PSD3: variants seen among roughly 807,000 people sequenced by gnomAD.
The protein encoded by PSD3 is PH and SEC7 domain-containing protein 3.
PSD3 carries 49 observed loss-of-function variants against 105.5 expected under a neutral mutation model. The ratio of observed to expected loss-of-function variants is 0.46; its 90% CI spans 0.37 to 0.59. PSD3 has a LOEUF of 0.59. Among genes scored for constraint, PSD3 ranks in the 20% least tolerant of loss-of-function variants. The probability of loss-of-function intolerance (pLI) is 0.00; values close to 1 mark genes in which losing one functional copy is unlikely to be tolerated. For missense variants in PSD3, 1,561 were observed against 1,263.8 expected (o/e 1.24, Z -3.57); for synonymous variants, 557 against 457.8 (o/e 1.22, Z -2.77).
chr8:18,784,680 T>C (rs947581577), intron 8 of PSD3, among the ~76,000 whole-genome samples: 3 of 152,144 alleles, frequency 2.0e-5, no homozygotes, highest in Non-Finnish European at 2.9e-5. Flanking sequence ...ATCAAAGATA[T>C]TGCAAAGGAT....
At chr8:18,634,440 T>G (rs781431551) in intron 10 of PSD3, among the ~76,000 whole-genome samples, 1 of 152,156 alleles carries the variant, frequency 6.6e-6, no homozygotes, top group Non-Finnish European at 1.5e-5. Flanking sequence ...ATAACTATCG[T>G]AAAAAATTTC....
intron 1 of PSD3, among the ~76,000 whole-genome samples, chr8:18,952,513 C>T (rs1029313980): frequency 6.6e-6 from 1 of 152,178 alleles, no homozygotes; most frequent in African/African-American, 2.4e-5. Context: ...CAGCTTACAT[C>T]AATTTACAAA....
chr8:18,737,814 G>C (rs537316930), intron 9 of PSD3, among the ~76,000 whole-genome samples: 2 of 152,178 alleles, frequency 1.3e-5, no homozygotes, highest in South Asian at 4.1e-4. Context: ...CACAAAACTA[G>C]TCTTGCATCA....
rs1470623632 is a variant in PSD3, at chr8:18,531,565, CAT to C, written c.*4176_*4177del. On this transcript the variant is annotated 3_prime_UTR_variant, in exon 16 of 16. Transcript: ENST00000327040. ...AGACTGGTGGAAAGAAATTTGCTGACATGTGGCAGAGCAGTGGCATGGCCTGG... is the reference window on the plus strand; with the variant it reads ...AGACTGGTGGAAAGAAATTTGCTGACGTGGCAGAGCAGTGGCATGGCCTGG... 6.6e-6 allele frequency: 1 copy of C among 152,290 alleles called. No individual in the cohort carries two copies. The highest frequency in any genetic ancestry group is 1.9e-4 in the East Asian group (1 of 5,200). 9.4% of individuals were successfully genotyped at this position (152,290 alleles called of 1,614,324 possible). A position where few individuals can be genotyped will look rare whatever the true frequency, so the allele number is the denominator to read the frequency against.
intron 9 of PSD3, among the ~76,000 whole-genome samples, chr8:18,756,156 G>C (rs929542911): frequency 9.2e-5 from 14 of 152,076 alleles, no homozygotes; most frequent in Admixed American, 3.3e-4. Context: ...GTTGCTACCA[G>C]GTTTCCATGA....
chr8:18,746,022 A>G (rs992149430), intron 9 of PSD3, among the ~76,000 whole-genome samples: 1 of 152,244 alleles, frequency 6.6e-6, no homozygotes, highest in Non-Finnish European at 1.5e-5. Context: ...CCTTCAGGCC[A>G]AAGATAGTTT....
At chr8:18,846,151 C>T (rs1815074634) in intron 4 of PSD3, among the ~76,000 whole-genome samples, 1 of 152,148 alleles carries the variant, frequency 6.6e-6, no homozygotes, top group South Asian at 2.1e-4. Flanking sequence ...AAAAAACATT[C>T]TTAATAAGCC....
intron 9 of PSD3, among the ~76,000 whole-genome samples, chr8:18,722,098 C>G (rs962803210): frequency 6.6e-6 from 1 of 151,690 alleles, no homozygotes; most frequent in African/African-American, 2.4e-5. Context: ...TTCAACTCCC[C>G]TTTCTCCCAG....
chr8:18,738,378 A>G (rs1804310301), intron 9 of PSD3, among the ~76,000 whole-genome samples: 1 of 152,182 alleles, frequency 6.6e-6, no homozygotes, highest in Non-Finnish European at 1.5e-5. Context: ...CATCAAGATC[A>G]TCTCAAGGGT....
intron 1 of PSD3, among the ~76,000 whole-genome samples, chr8:18,971,028 A>T (rs1277479202): frequency 1.3e-5 from 2 of 152,062 alleles, no homozygotes; most frequent in African/African-American, 4.8e-5. Flanking sequence ...ATAAATAGCA[A>T]TTATCCACCC....
intron 15 of PSD3, among the ~76,000 whole-genome samples, chr8:18,547,162 C>A (rs1800497966): frequency 6.6e-6 from 1 of 152,092 alleles, no homozygotes; most frequent in Admixed American, 6.5e-5. Flanking sequence ...ACGGTGGAGA[C>A]CCAAGATTGG....
intron 1 of PSD3, among the ~76,000 whole-genome samples, chr8:19,050,701 G>T (rs1209502049): frequency 3.3e-5 from 5 of 152,166 alleles, no homozygotes; most frequent in African/African-American, 1.2e-4. Context: ...TGGTGGGAAG[G>T]GGGAGGGATA....
chr8:19,024,923 T>C (rs1000995239), intron 1 of PSD3, among the ~76,000 whole-genome samples: 3 of 152,126 alleles, frequency 2.0e-5, no homozygotes, highest in African/African-American at 7.2e-5. Flanking sequence ...ATAAGTAAAG[T>C]GTCTGTGAGC....
chr8:18,897,529 T>G (rs1318308421), intron 2 of PSD3, among the ~76,000 whole-genome samples: 1 of 152,176 alleles, frequency 6.6e-6, no homozygotes, highest in Non-Finnish European at 1.5e-5. Flanking sequence ...TTTTTTCTAT[T>G]TCTGTGATGA....
At chr8:18,805,834 T>G (rs1401302808) in intron 4 of PSD3, among the ~76,000 whole-genome samples, 1 of 152,214 alleles carries the variant, frequency 6.6e-6, no homozygotes, top group African/African-American at 2.4e-5. Context: ...GTTCAAAAGC[T>G]CAAATGTAAT....
intron 1 of PSD3, among the ~76,000 whole-genome samples, chr8:18,950,839 A>T (rs370833026): frequency 2.0e-5 from 3 of 152,142 alleles, no homozygotes; most frequent in East Asian, 3.8e-4. Flanking sequence ...CCTCACCCAC[A>T]CACGCAAGTG....
At chr8:18,871,076 G>C (rs930642860) in intron 3 of PSD3, among the ~76,000 whole-genome samples, 1 of 152,150 alleles carries the variant, frequency 6.6e-6, no homozygotes, top group Non-Finnish European at 1.5e-5. Flanking sequence ...TCCGGCCCGG[G>C]GGACAGAACA....
intron 11 of PSD3, among the ~76,000 whole-genome samples, chr8:18,609,925 T>C (rs1805125773): frequency 6.6e-6 from 1 of 152,234 alleles, no homozygotes; most frequent in Non-Finnish European, 1.5e-5. Context: ...AAGGAAAATT[T>C]ACCACTGGGC....
chr8:18,736,028 T>A (rs1269480086), intron 9 of PSD3, among the ~76,000 whole-genome samples: 1 of 152,196 alleles, frequency 6.6e-6, no homozygotes, highest in Non-Finnish European at 1.5e-5. Flanking sequence ...ATTGTTTTTA[T>A]GGAAAGTAGC....
Sources: gnomAD v4.1 joint callset for allele counts (sites outside exome capture counted in the v4.1 genomes callset) on GRCh38, gnomAD v4.1.1 for gene constraint, MANE v1.5 for transcripts, NCBI Gene and HGNC (gene_info 2026-07-23, HGNC 2026-07-21) for gene names.